PRKN: variants seen among roughly 807,000 people sequenced by gnomAD.
PRKN encodes the protein E3 ubiquitin-protein ligase parkin.
PRKN carries 56 observed loss-of-function variants against 59.5 expected under a neutral mutation model. That is an observed-to-expected ratio of 0.94 (90% CI 0.76 to 1.18). The LOEUF is 1.18. Among genes scored for constraint, PRKN ranks in the 50% most tolerant of loss-of-function variants. PRKN has a pLI of 0.00. For missense variants in PRKN, 657 were observed against 596.4 expected, an observed-to-expected ratio of 1.10 and a Z score of -1.06; for synonymous variants, 250 against 222.1, an observed-to-expected ratio of 1.13 and a Z score of -1.12.
chr6:162,429,534 C>T lies in PRKN; in HGVS notation c.171+13776G>A, dbSNP rs561883348. ...ACCCGGATTTCTCTTCTCATGAAGCCCTGGCCTTCATGGCCTTCTTTATTG... is the reference window on the plus strand; with the variant it reads ...ACCCGGATTTCTCTTCTCATGAAGCTCTGGCCTTCATGGCCTTCTTTATTG... On this transcript the variant is annotated intron_variant, in intron 2 of 11. Transcript: ENST00000366898. 1.6e-3 allele frequency among the ~76,000 whole-genome samples: 239 copies of T among 152,176 alleles called. 1 individual carries two copies. The highest frequency in any genetic ancestry group is 5.6e-3 in the African/African-American group (233 of 41,526).
chr6:161,374,304 G>A (rs1328776782), intron 10 of PRKN, among the ~76,000 whole-genome samples: 2 of 151,396 alleles, frequency 1.3e-5, no homozygotes, highest in African/African-American at 2.4e-5. Context: ...GGTATATGTG[G>A]TGCGCGTGTG....
chr6:161,957,412 T>G (rs369897068), intron 6 of PRKN, among the ~76,000 whole-genome samples: 19,538 of 138,934 alleles, frequency 0.14, 1,497 homozygotes, highest in South Asian at 0.23. Context: ...TCTTGTTGTT[T>G]TTTTTTTGTT....
chr6:161,645,104 T>TAA (rs1214493309), intron 7 of PRKN, among the ~76,000 whole-genome samples: 1 of 152,198 alleles, frequency 6.6e-6, no homozygotes, highest in Non-Finnish European at 1.5e-5. Flanking sequence ...CAATATTAGA[T>TAA]GGTTAATATT....
At chr6:161,611,711 T>A (rs977234243) in intron 7 of PRKN, among the ~76,000 whole-genome samples, 1 of 152,190 alleles carries the variant, frequency 6.6e-6, no homozygotes, top group Admixed American at 6.5e-5. Context: ...GGCCAATTAA[T>A]AAACCTACAA....
chr6:161,621,000 T>C (rs1167749037), intron 7 of PRKN, among the ~76,000 whole-genome samples: 1 of 152,180 alleles, frequency 6.6e-6, no homozygotes, highest in African/African-American at 2.4e-5. Flanking sequence ...AGGTGCCTCC[T>C]GTCCACCTTT....
At chr6:162,419,250 C>T (rs1248174864) in intron 2 of PRKN, among the ~76,000 whole-genome samples, 1 of 152,044 alleles carries the variant, frequency 6.6e-6, no homozygotes, top group Admixed American at 6.6e-5. Flanking sequence ...TTCTGATTTC[C>T]CATCCAGGGA....
intron 7 of PRKN, among the ~76,000 whole-genome samples, chr6:161,710,193 T>TA (rs201729987): frequency 2.3e-3 from 350 of 150,654 alleles, no homozygotes; most frequent in Non-Finnish European, 3.8e-3. Context: ...CCTTCATCCT[T>TA]AAAAAAAAAG....
intron 2 of PRKN, among the ~76,000 whole-genome samples, chr6:162,294,978 A>T (rs887106716): frequency 6.6e-6 from 1 of 152,210 alleles, no homozygotes. Context: ...AACCATACTT[A>T]TTAGCTAAAA....
At chr6:161,945,498 C>T (rs577110733) in intron 6 of PRKN, among the ~76,000 whole-genome samples, 1 of 152,284 alleles carries the variant, frequency 6.6e-6, no homozygotes, top group South Asian at 2.1e-4. Context: ...TATCATTCTG[C>T]CTTCTCCCAA....
Position 161,552,873 on chromosome 6 carries a change from C to A in PRKN, c.934-3870G>T, listed in dbSNP as rs1780092402. On this transcript the variant is annotated intron_variant, in intron 8 of 11. Transcript: ENST00000366898. This position sits in a 1 kb window ranked among gnomAD's most constrained non-coding sequence, Gnocchi z 4.9. ...TGGCGCAATCTCGGCTCACTGCAACCTTCATCTCTTGGGTTCAAGCGATTC... is the reference window on the plus strand; with the variant it reads ...TGGCGCAATCTCGGCTCACTGCAACATTCATCTCTTGGGTTCAAGCGATTC... Among the ~76,000 whole-genome samples, 1 of 151,032 alleles carries A rather than the reference C, an allele frequency of 6.6e-6. No homozygotes were observed. The highest frequency in any genetic ancestry group is 2.0e-4 in the East Asian group (1 of 4,974).
At chr6:162,302,011 T>G (rs1781983022) in intron 2 of PRKN, among the ~76,000 whole-genome samples, 1 of 152,134 alleles carries the variant, frequency 6.6e-6, no homozygotes, top group South Asian at 2.1e-4. Context: ...TCAAAGACAT[T>G]TTCTTTTCTC....
chr6:162,663,136 C>T (rs1778958501), intron 1 of PRKN, among the ~76,000 whole-genome samples: 1 of 152,182 alleles, frequency 6.6e-6, no homozygotes, highest in African/African-American at 2.4e-5. Context: ...TCCTACATTC[C>T]TTATCAGCTA....
At chr6:162,541,638 A>T (rs1583762013) in intron 1 of PRKN, among the ~76,000 whole-genome samples, 4 of 152,294 alleles carry the variant, frequency 2.6e-5, no homozygotes, top group Admixed American at 2.6e-4. Flanking sequence ...TGGCCCAAAG[A>T]GCATTCTCAG....
At chr6:161,864,713 G>A (rs1794043625) in intron 6 of PRKN, among the ~76,000 whole-genome samples, 1 of 152,136 alleles carries the variant, frequency 6.6e-6, no homozygotes, top group African/African-American at 2.4e-5. Context: ...CTGGAGTGCA[G>A]TGGCATGATC....
chr6:162,342,828 C>T (rs1476686222), intron 2 of PRKN, among the ~76,000 whole-genome samples: 8 of 152,120 alleles, frequency 5.3e-5, no homozygotes. Context: ...CTTCTAATCC[C>T]TAACGTGATA....
chr6:161,588,113 C>T lies in PRKN; in HGVS notation c.872-18697G>A, dbSNP rs938953701. On this transcript the variant is annotated intron_variant, in intron 7 of 11. Transcript: ENST00000366898. This position sits in a 1 kb window ranked among gnomAD's most constrained non-coding sequence, Gnocchi z 5.0. The stretch of plus-strand genomic sequence containing the variant: ...AATTTACTCTATGGGGGGCTGGGCG[C>T]GGTGGCTCATGCCTGTAATCCCAGC... 4.8e-4 allele frequency among the ~76,000 whole-genome samples: 73 copies of T among 152,078 alleles called. No individual in the cohort carries two copies. The highest frequency in any genetic ancestry group is 1.5e-3 in the African/African-American group (64 of 41,420).
At chr6:162,251,861 C>T (rs1779449527) in intron 3 of PRKN, among the ~76,000 whole-genome samples, 1 of 152,094 alleles carries the variant, frequency 6.6e-6, no homozygotes, top group African/African-American at 2.4e-5. Context: ...TATAGAACTG[C>T]CAAACATTCA....
intron 7 of PRKN, among the ~76,000 whole-genome samples, chr6:161,708,194 G>A (rs958027258): frequency 3.9e-5 from 6 of 151,946 alleles, no homozygotes; most frequent in East Asian, 3.9e-4. Flanking sequence ...TTGTGCATAC[G>A]GCATTGAAAC....
chr6:162,324,062 T>C (rs541887980), intron 2 of PRKN, among the ~76,000 whole-genome samples: 2 of 152,248 alleles, frequency 1.3e-5, no homozygotes, highest in African/African-American at 2.4e-5. Context: ...TGCAACTTTC[T>C]AGTGTGTAGA....
Sources: allele counts gnomAD v4.1 joint callset (sites outside exome capture counted in the v4.1 genomes callset), GRCh38; gene constraint gnomAD v4.1.1; non-coding constraint Gnocchi (gnomAD v3.1); transcripts MANE v1.5; gene names NCBI Gene and HGNC (gene_info 2026-07-23, HGNC 2026-07-21).